JMJD1C: variants seen among roughly 807,000 people sequenced by gnomAD.
JMJD1C encodes the protein jumonji domain containing 1C.
Under a neutral mutation model 245.3 loss-of-function variants are expected in JMJD1C, and 31 were observed. The observed-to-expected ratio is 0.13, with a 90% CI of 0.09 to 0.17. The LOEUF (loss-of-function observed/expected upper bound fraction) is 0.17, where lower values mean the gene tolerates loss of function less well. Among genes scored for constraint, JMJD1C ranks in the 10% least tolerant of loss-of-function variants. JMJD1C has a pLI of 1.00. For synonymous variants in JMJD1C, 1,057 were observed against 1,017.4 expected, an observed-to-expected ratio of 1.04 and a Z score of -0.74; for missense variants, 2,691 against 3,000.2, an observed-to-expected ratio of 0.90 and a Z score of 2.41.
intron 1 of JMJD1C, among the ~76,000 whole-genome samples, chr10:63,484,228 GGATGGATGGATAGATAGATAGATA>G (rs1206247568): frequency 0.022 from 1,410 of 63,086 alleles, 15 homozygotes; most frequent in South Asian, 0.043. Flanking sequence ...ATGGATGGAT[GGATGGATGGATAGATAGATAGATA>G]GATAGATAGA....
intron 25 of JMJD1C, 80 bp downstream of exon 25, chr10:63,168,355 C>T: frequency 7.2e-7 from 1 of 1,392,092 alleles, no homozygotes; most frequent in Non-Finnish European, 9.8e-7. Flanking sequence ...TAGGCAATGA[C>T]TGCCTAAGCT....
intron 3 of JMJD1C, 112 bp from the exon 4 acceptor site, chr10:63,220,095 G>T: frequency 1.5e-6 from 1 of 673,400 alleles, no homozygotes; most frequent in Admixed American, 2.8e-5. Flanking sequence ...TGATCTAAAT[G>T]TATGCAAAAA....
intron 2 of JMJD1C, among the ~76,000 whole-genome samples, chr10:63,281,981 G>A (rs1005370396): frequency 3.9e-5 from 6 of 152,082 alleles, no homozygotes; most frequent in Admixed American, 1.3e-4. Flanking sequence ...GGACATATAC[G>A]TTTGCATATG....
intron 2 of JMJD1C, among the ~76,000 whole-genome samples, chr10:63,339,127 G>C (rs1943142466): frequency 6.6e-6 from 1 of 152,128 alleles, no homozygotes; most frequent in South Asian, 2.1e-4. Context: ...TTTACCACCT[G>C]CCTAACAGAT....
rs201996817 is a variant in JMJD1C, at chr10:63,260,598, A to ATT, written c.447+4051_447+4052dup. Among the ~76,000 whole-genome samples, 3 of 150,682 alleles carry ATT rather than the reference A, an allele frequency of 2.0e-5. No homozygotes were observed. The South Asian group carries it at 6.4e-4, about 32-fold the overall frequency. On this transcript the variant is annotated intron_variant, in intron 3 of 25. Coordinates refer to ENST00000399262, the MANE Select transcript of JMJD1C (RefSeq NM_032776.3). ...TTATAGTAACAACAAAAAAAAAACT[A>ATT]TTTTTTTTTGAGATGTAGTCACGCT... is the stretch of plus-strand genomic sequence containing the variant.
chr10:63,172,832 A>G (rs1384262442), intron 24 of JMJD1C, among the ~76,000 whole-genome samples: 1 of 149,982 alleles, frequency 6.7e-6, no homozygotes, highest in Non-Finnish European at 1.5e-5. Context: ...GGAGGGGGGA[A>G]ACATACTTGG....
intron 1 of JMJD1C, among the ~76,000 whole-genome samples, chr10:63,402,496 T>A (rs575857084): frequency 4.6e-5 from 7 of 152,300 alleles, no homozygotes; most frequent in African/African-American, 1.7e-4. Context: ...CATAATGCCT[T>A]ATCCCCATTC....
At chr10:63,489,686 T>C (rs1954107018) in intron 1 of JMJD1C, 1 of 152,362 alleles carries the variant, frequency 6.6e-6, no homozygotes. Flanking sequence ...CTAATTTTTA[T>C]ATTTTTAATA....
rs1846640453 is a variant in JMJD1C, at chr10:63,206,500, A to T, written c.5074+95T>A. On this transcript the variant is annotated intron_variant, in intron 10 of 25. Coordinates refer to ENST00000399262, the MANE Select transcript of JMJD1C (RefSeq NM_032776.3). The stretch of plus-strand genomic sequence containing the variant: ...TAAGGCACGCAAATGAAGACAAAGG[A>T]TGCCTTTAAGCTCACTGATCTTTAA... The T allele has an allele frequency of 3.4e-6, 3 of 887,990 alleles. No homozygotes were observed. In the South Asian group the frequency reaches 5.8e-5, roughly 17 times the overall value. 55.0% of individuals were successfully genotyped at this position (887,990 alleles called of 1,614,324 possible). A position where few individuals can be genotyped will look rare whatever the true frequency, so the allele number is the denominator to read the frequency against.
intron 10 of JMJD1C, chr10:63,205,071 G>C (rs977569847): frequency 2.1e-6 from 2 of 962,592 alleles, no homozygotes; most frequent in Non-Finnish European, 2.5e-6. Flanking sequence ...ACTACTACTA[G>C]AGTAAAATGA....
At chr10:63,241,970 T>C (rs540126403) in intron 3 of JMJD1C, among the ~76,000 whole-genome samples, 1 of 152,262 alleles carries the variant, frequency 6.6e-6, no homozygotes, top group South Asian at 2.1e-4. Flanking sequence ...AAAATAGATA[T>C]GAGAACAGGA....
At chr10:63,425,143 A>C (rs1011707938) in intron 1 of JMJD1C, among the ~76,000 whole-genome samples, 1 of 152,236 alleles carries the variant, frequency 6.6e-6, no homozygotes, top group Non-Finnish European at 1.5e-5. Flanking sequence ...AGTGGAAAAG[A>C]TGGGAACCCT....
intron 10 of JMJD1C, among the ~76,000 whole-genome samples, chr10:63,201,747 T>A (rs1043514652): frequency 6.6e-6 from 1 of 151,152 alleles, no homozygotes; most frequent in African/African-American, 2.4e-5. Flanking sequence ...CTGACCAACA[T>A]GGTGAAATCC....
chr10:63,303,346 C>T lies in JMJD1C; in HGVS notation c.334-38582G>A, dbSNP rs569456814. Among the ~76,000 whole-genome samples the T allele has an allele frequency of 9.9e-5, 15 of 152,238 alleles. No homozygotes were observed. In the South Asian group the frequency reaches 3.1e-3, roughly 32 times the overall value. ...GTTCAGACGGAGTCTCGCTCTGTCG[C>T]CCAGGCCGGAGTACAGTGGTGCAAC... On this transcript the variant is annotated intron_variant, in intron 2 of 25. Coordinates refer to ENST00000399262, the MANE Select transcript of JMJD1C (RefSeq NM_032776.3).
intron 1 of JMJD1C, among the ~76,000 whole-genome samples, chr10:63,425,292 G>A (rs1006958437): frequency 6.6e-6 from 1 of 152,004 alleles, no homozygotes; most frequent in Non-Finnish European, 1.5e-5. Flanking sequence ...ATATAGTCAG[G>A]CATGCAGGGG....
chr10:63,193,391 T>C lies in JMJD1C; in HGVS notation c.5816A>G (p.Gln1939Arg). 7 of 1,604,000 alleles carry C rather than the reference T, an allele frequency of 4.4e-6. No homozygotes were observed. Among genetic ancestry groups the C allele is most frequent in the Non-Finnish European group, 6.0e-6 (7 of 1,173,308 alleles). The change falls in exon 15 of 26, where the codon CAG (glutamine) becomes CGG (arginine). Residue 1939 changes from glutamine (Q) to arginine (R), a missense_variant. By Grantham distance (43) the Gln-to-Arg change is conservative (BLOSUM62 1). Around this residue, in one of 9 missense-constraint regions of JMJD1C, gnomAD observed 275 missense variants for 285.5 expected, o/e 0.96. Coordinates refer to ENST00000399262, the MANE Select transcript of JMJD1C (RefSeq NM_032776.3). ...AGGAAAATTTCCAACTTGTAAATTC[T>C]GTTTGTTAGTACAATGACAATGGGA... The part of the protein sequence containing the change: ...IKSHCHCTNK[Q>R]NLQVGNFPTM...
chr10:63,490,585 T>C (rs1356984714), intron 1 of JMJD1C, among the ~76,000 whole-genome samples: 3 of 152,016 alleles, frequency 2.0e-5, no homozygotes, highest in Non-Finnish European at 4.4e-5. Context: ...CCAGCTTATT[T>C]TTGTATTTTT....
intron 24 of JMJD1C, among the ~76,000 whole-genome samples, chr10:63,169,261 ATTT>A (rs1252918954): frequency 1.3e-5 from 2 of 152,072 alleles, no homozygotes; most frequent in African/African-American, 2.4e-5. Context: ...CTTATCTGTT[ATTT>A]GTTCAGCATT....
At chr10:63,391,161 A>T (rs1948022860) in intron 1 of JMJD1C, among the ~76,000 whole-genome samples, 1 of 152,224 alleles carries the variant, frequency 6.6e-6, no homozygotes, top group African/African-American at 2.4e-5. Flanking sequence ...TAAAAAAATC[A>T]ACAAGCAAAA....
Sources: allele counts gnomAD v4.1 joint callset (sites outside exome capture counted in the v4.1 genomes callset), GRCh38; gene constraint gnomAD v4.1.1; regional missense constraint gnomAD v4.1.1; transcripts MANE v1.5; gene names NCBI Gene and HGNC (gene_info 2026-07-23, HGNC 2026-07-21).